RTEL1: variants seen among roughly 807,000 people sequenced by gnomAD.
The protein encoded by RTEL1 is regulator of telomere length.
RTEL1 carries 86 observed loss-of-function variants against 162.2 expected under a neutral mutation model. The observed-to-expected ratio is 0.53, with a 90% CI of 0.45 to 0.63. The LOEUF is 0.63. Among genes scored for constraint, RTEL1 ranks in the 30% least tolerant of loss-of-function variants. The pLI, the probability that RTEL1 is intolerant of heterozygous loss-of-function variation, is 0.00. For synonymous variants in RTEL1, 958 were observed against 717.9 expected, an observed-to-expected ratio of 1.33 and a Z score of -5.35; for missense variants, 1,941 against 1,750.2, an observed-to-expected ratio of 1.11 and a Z score of -1.95.
intron 10 of RTEL1, among the ~76,000 whole-genome samples, chr20:63,676,681 A>G (rs1394926447): frequency 6.6e-6 from 1 of 152,208 alleles, no homozygotes; most frequent in African/African-American, 2.4e-5. Flanking sequence ...CACACCTGTC[A>G]TCCCAGCACT....
intron 28 of RTEL1, chr20:63,692,332 C>T (rs557219578): frequency 4.4e-4 from 98 of 222,776 alleles, no homozygotes; most frequent in African/African-American, 1.9e-3. Context: ...CCTGGGCTGG[C>T]GAGGGCCTGG....
At chr20:63,681,586 A>T (rs1194385111) in intron 14 of RTEL1, 2 of 985,202 alleles carry the variant, frequency 2.0e-6, no homozygotes, top group Non-Finnish European at 2.4e-6. Context: ...GAACCCTGGG[A>T]TGCATGGCTG....
chr20:63,671,355 G>A (rs6011017), intron 8 of RTEL1, among the ~76,000 whole-genome samples: 8,169 of 152,140 alleles, frequency 0.054, 744 homozygotes, highest in African/African-American at 0.19. Context: ...CACCGCACCC[G>A]GCTGGACCTA....
rs907962257 is a variant in RTEL1 at position 63,659,597 on chromosome 20, C to T, written c.102+93C>T. On this transcript the variant is annotated intron_variant, in intron 2 of 34. Coordinates refer to ENST00000360203, the MANE Select transcript of RTEL1 (RefSeq NM_001283009.2). Reference sequence around the variant, plus strand: ...CCTCTCCCGGCCCATTCCAGCCAGGCCCCTCCGGGCCAGAGGCAGCGTCTG... The same window carrying T: ...CCTCTCCCGGCCCATTCCAGCCAGGTCCCTCCGGGCCAGAGGCAGCGTCTG... 2.5e-5 allele frequency: 23 copies of T among 932,468 alleles called. No individual in the cohort carries two copies. The East Asian group carries it at 5.2e-4, about 21-fold the overall frequency. 57.8% of individuals were successfully genotyped at this position (932,468 alleles called of 1,614,324 possible).
intron 16 of RTEL1, chr20:63,687,348 G>T (rs1375961399): frequency 2.8e-6 from 1 of 359,888 alleles, no homozygotes; most frequent in African/African-American, 2.1e-5. Context: ...AGTTTCTGCA[G>T]AAGTTTAGGG....
chr20:63,685,984 GCCACCTTCT>G (rs1330394455), intron 16 of RTEL1, 112 bp downstream of exon 16: 26 of 992,660 alleles, frequency 2.6e-5, no homozygotes, highest in Non-Finnish European at 4.0e-5. Flanking sequence ...CATGGGCCTG[GCCACCTTCT>G]CCATATCCAG....
intron 20 of RTEL1, 63 bp downstream of exon 20, chr20:63,688,449 G>C: frequency 6.2e-7 from 1 of 1,603,116 alleles, no homozygotes; most frequent in Non-Finnish European, 8.5e-7. Flanking sequence ...GAAGCAGGCA[G>C]TGGTCACAGC....
In RTEL1 at chr20:63,687,732, G is replaced by T. The variant is rs762716598; in HGVS notation, c.1443G>T (p.Thr481=). 1 of 1,590,904 alleles carries T rather than the reference G, an allele frequency of 6.3e-7. No individual in the cohort carries two copies. Among genetic ancestry groups the T allele is most frequent in the Non-Finnish European group, 8.5e-7 (1 of 1,170,270 alleles). Residue 481 remains threonine (T), a synonymous_variant, in exon 17 of 35, where the codon ACG becomes ACT. Coordinates refer to ENST00000360203, the MANE Select transcript of RTEL1 (RefSeq NM_001283009.2). Reference sequence around the variant, plus strand: ...GCTCCCTCATCCTTACCAGCGGCACGCTGGCCCCGGTGTCCTCCTTTGCTC... The same window carrying T: ...GCTCCCTCATCCTTACCAGCGGCACTCTGGCCCCGGTGTCCTCCTTTGCTC... ...GVRSLILTSG[T]LAPVSSFALE... is the part of the protein sequence containing the mutation.
rs140566414 is a variant in RTEL1, at chr20:63,689,621, G to T, written c.1998G>T (p.Met666Ile). Residue 666 changes from methionine (M) to isoleucine (I), a missense_variant, in exon 23 of 35, where the codon ATG becomes ATT. Transcript: ENST00000360203. ...TCAAGATGCAGTTCCTGGATGAGAT[G>T]AAGGGCCAGGGTGGGGCTGGGGGCC... ...VVLKMQFLDE[M>I]KGQGGAGGQF... is the part of the protein sequence containing the mutation. 2 of 1,612,166 alleles carry T rather than the reference G, an allele frequency of 1.2e-6. No individual in the cohort carries two copies. Among genetic ancestry groups the T allele is most frequent in the Non-Finnish European group, 1.7e-6 (2 of 1,179,664 alleles).
chr20:63,671,603 T>C (rs2090243135), intron 8 of RTEL1, among the ~76,000 whole-genome samples: 1 of 151,170 alleles, frequency 6.6e-6, no homozygotes, highest in South Asian at 2.1e-4. Flanking sequence ...TGCCTCAGCC[T>C]CCCGAGTAGC....
chr20:63,663,101 C>T, intron 6 of RTEL1: 1 of 602,576 alleles, frequency 1.7e-6, no homozygotes. Flanking sequence ...GCCGGCAAGA[C>T]TGCCTCTGGC....
At chr20:63,687,496 C>A in intron 16 of RTEL1, 142 bp from the exon 17 acceptor site, 2 of 974,162 alleles carry the variant, frequency 2.1e-6, no homozygotes, top group Non-Finnish European at 3.0e-6. Context: ...GTTCTGACTT[C>A]TGCACAGTGG....
intron 26 of RTEL1, 39 bp downstream of exon 26, chr20:63,690,480 G>GGGGGGGGGGGT: frequency 6.8e-7 from 1 of 1,467,284 alleles, no homozygotes; most frequent in Non-Finnish European, 9.1e-7. Context: ...TGTGGGGGTG[G>GGGGGGGGGGGT]CGGAGCGGGC....
rs779873020 is a variant in RTEL1, at chr20:63,685,870, G to A, written c.1346G>A (p.Arg449Gln). 5.2e-5 allele frequency: 84 copies of A among 1,612,212 alleles called. No individual in the cohort carries two copies. Among genetic ancestry groups the A allele is most frequent in the Middle Eastern group, 1.6e-4 (1 of 6,074 alleles). ...DAWSTTAARK[R>Q]GKVLSYWCFS... ...TGGAGCACCACTGCAGCCAGAAAGC[G>A]AGGTACAGACCTGGGCCCACACGCT... Residue 449 changes from arginine to glutamine, a missense_variant and splice_region_variant, in exon 16 of 35, where the codon CGA becomes CAA. By Grantham distance (43) the Arg-to-Gln change is conservative (BLOSUM62 1). Transcript: ENST00000360203.
In RTEL1 at chr20:63,674,044, G is replaced by A. The variant is rs200099775; in HGVS notation, c.870G>A (p.Ala290=). ...TGCTGGAGGAGCAGACCAAGGCAGC[G>A]CAGCAGGGTGAGCCCCACCCGGAGT... ...DQVLEEQTKA[A]QQGEPHPEFS... is the part of the protein sequence containing the mutation. Residue 290 remains alanine, a synonymous_variant, in exon 10 of 35, where the codon GCG becomes GCA. Coordinates refer to ENST00000360203, the MANE Select transcript of RTEL1 (RefSeq NM_001283009.2). The A allele has an allele frequency of 4.3e-6, 7 of 1,614,042 alleles. No homozygotes were observed. Among genetic ancestry groups the A allele is most frequent in the Admixed American group, 1.7e-5 (1 of 60,018 alleles).
In RTEL1 at chr20:63,679,844, G is replaced by A. The variant is rs902451058; in HGVS notation, c.1038-5G>A. ...GGCTCGAGCCTGCCTTCTTCTCCTCGGCAGCTACATCTTTGAGCTGTTTGC... is the reference window on the plus strand; with the variant it reads ...GGCTCGAGCCTGCCTTCTTCTCCTCAGCAGCTACATCTTTGAGCTGTTTGC... On this transcript the variant is annotated splice_region_variant and splice_polypyrimidine_tract_variant and intron_variant, in intron 12 of 34. Coordinates refer to ENST00000360203, the MANE Select transcript of RTEL1 (RefSeq NM_001283009.2). 2 of 1,608,770 alleles carry A rather than the reference G, an allele frequency of 1.2e-6. No homozygotes were observed. Among genetic ancestry groups the A allele is most frequent in the East Asian group, 2.2e-5 (1 of 44,864 alleles).
At chr20:63,669,063 A>G (rs2090196263) in intron 8 of RTEL1, among the ~76,000 whole-genome samples, 1 of 152,064 alleles carries the variant, frequency 6.6e-6, no homozygotes, top group Non-Finnish European at 1.5e-5. Context: ...GGCTCACTGC[A>G]GCCCCCGCCC....
intron 12 of RTEL1, among the ~76,000 whole-genome samples, chr20:63,679,128 T>C (rs1345101422): frequency 6.6e-6 from 1 of 152,242 alleles, no homozygotes; most frequent in East Asian, 1.9e-4. Flanking sequence ...GCTCCAGTCT[T>C]CTCCGCAGCC....
chr20:63,692,684 G>C, intron 28 of RTEL1, 121 bp from the exon 29 acceptor site: 1 of 960,474 alleles, frequency 1.0e-6, no homozygotes, highest in Non-Finnish European at 1.6e-6. Context: ...TTCTCAGGCA[G>C]CAGCCCCACC....
Sources: gnomAD v4.1 joint callset for allele counts (sites outside exome capture counted in the v4.1 genomes callset) on GRCh38, gnomAD v4.1.1 for gene constraint, MANE v1.5 for transcripts, NCBI Gene and HGNC (gene_info 2026-07-23, HGNC 2026-07-21) for gene names.